The following USP14 variants were observed in gnomAD, a reference collection of about 807,000 sequenced individuals.
USP14 encodes the protein ubiquitin specific peptidase 14.
Under a neutral mutation model 76.5 loss-of-function variants are expected in USP14, and 38 were observed. The observed-to-expected ratio is 0.50, with a 90% CI of 0.38 to 0.65. The LOEUF (loss-of-function observed/expected upper bound fraction) is 0.65. USP14 is among the 30% of genes least tolerant of loss of function. The probability of loss-of-function intolerance (pLI) is 0.00; values close to 1 mark genes in which losing one functional copy is unlikely to be tolerated. For missense variants in USP14, 467 were observed against 586.5 expected, an observed-to-expected ratio of 0.80 and a Z score of 2.10; for synonymous variants, 192 against 191.7, an observed-to-expected ratio of 1.00 and a Z score of -0.01.
chr18:183,886 T>C (rs985352677), intron 5 of USP14, among the ~76,000 whole-genome samples: 2 of 152,188 alleles, frequency 1.3e-5, no homozygotes, highest in African/African-American at 4.8e-5. Flanking sequence ...CAGTTGCAAA[T>C]TATCTGAATA....
intron 10 of USP14, 23 bp downstream of exon 10, chr18:199,339 C>T (rs886286867): frequency 6.5e-7 from 1 of 1,534,752 alleles, no homozygotes; most frequent in Non-Finnish European, 9.0e-7. Flanking sequence ...TCAGTCCATC[C>T]TTGTTGTTTG....
At chr18:207,466 T>A (rs985434562) in intron 13 of USP14, among the ~76,000 whole-genome samples, 1 of 144,282 alleles carries the variant, frequency 6.9e-6, no homozygotes, top group Non-Finnish European at 1.6e-5. Context: ...ATTGCTTGAG[T>A]CCAGAAGTTG....
At chr18:165,322 A>G (rs1291942475) in intron 2 of USP14, among the ~76,000 whole-genome samples, 2 of 152,212 alleles carry the variant, frequency 1.3e-5, no homozygotes, top group Admixed American at 6.5e-5. Flanking sequence ...CTAAAGATCT[A>G]TAGTTAACTT....
intron 5 of USP14, among the ~76,000 whole-genome samples, chr18:186,770 G>A (rs1293108624): frequency 6.6e-6 from 1 of 151,962 alleles, no homozygotes; most frequent in Non-Finnish European, 1.5e-5. Flanking sequence ...AAGAGAAAGG[G>A]ATGAAGATTT....
chr18:211,344 A>G lies in USP14; in HGVS notation c.*60A>G, dbSNP rs1323131716. 2.6e-6 allele frequency: 4 copies of G among 1,541,926 alleles called. No individual in the cohort carries two copies. Among genetic ancestry groups the G allele is most frequent in the Non-Finnish European group, 3.5e-6 (4 of 1,135,320 alleles). On this transcript the variant is annotated 3_prime_UTR_variant, in exon 16 of 16. Transcript: ENST00000261601. ...TAAATGTTATTTGTTGATCATTTCT[A>G]TAATCCAGAGCTTTAGAGGAAGACA...
intron 10 of USP14, among the ~76,000 whole-genome samples, chr18:201,460 G>T (rs909101739): frequency 6.6e-6 from 1 of 152,202 alleles, no homozygotes; most frequent in Non-Finnish European, 1.5e-5. Flanking sequence ...GGATAAGGTT[G>T]GCAAGGGGAA....
In USP14 at chr18:163,248, AG is replaced by A; in HGVS notation, c.17-57del. The A allele has an allele frequency of 5.4e-6, 8 of 1,485,364 alleles. No individual in the cohort carries two copies. The South Asian group carries it at 1.0e-4, about 19-fold the overall frequency. The allele number at this position is 1,485,364 out of a possible 1,614,324, so 92.0% of individuals were successfully genotyped here. A position where few individuals can be genotyped will look rare whatever the true frequency, so the allele number is the denominator to read the frequency against. ...TAACTGCCTAATTGGTGATCTTCTA[AG>A]GGTCTGTAAATCTTGTCTTGTTATT... On this transcript the variant is annotated intron_variant, in intron 1 of 15. Coordinates refer to ENST00000261601, the MANE Select transcript of USP14 (RefSeq NM_005151.4).
At chr18:163,613 A>G (rs1158483341) in intron 2 of USP14, among the ~76,000 whole-genome samples, 160 bp downstream of exon 2, 1 of 152,166 alleles carries the variant, frequency 6.6e-6, no homozygotes, top group Non-Finnish European at 1.5e-5. Flanking sequence ...TGCCTGTTAG[A>G]GTAAGGGAGA....
Position 178,922 on chromosome 18 carries a change from T to A in USP14, c.196-11T>A, listed in dbSNP as rs1023269735. On this transcript the variant is annotated splice_polypyrimidine_tract_variant and intron_variant, in intron 3 of 15. Transcript: ENST00000261601. Reference sequence around the variant, plus strand: ...TAAGGATTTTCATGAAATTACTTTTTTTAAAAACAGGGAATGACTCTACTA... The same window carrying A: ...TAAGGATTTTCATGAAATTACTTTTATTAAAAACAGGGAATGACTCTACTA... The A allele has an allele frequency of 6.3e-7, 1 of 1,589,980 alleles. No homozygotes were observed.
intron 12 of USP14, 70 bp from the exon 13 acceptor site, chr18:204,494 G>C (rs1910471846): frequency 2.4e-6 from 3 of 1,258,208 alleles, no homozygotes; most frequent in Admixed American, 3.3e-5. Context: ...CATTACTTCA[G>C]ATATGTGATA....
intron 6 of USP14, among the ~76,000 whole-genome samples, chr18:196,004 A>G (rs1341963228): frequency 1.3e-5 from 2 of 151,990 alleles, no homozygotes; most frequent in Admixed American, 6.6e-5. Flanking sequence ...GAGTCCAACA[A>G]TTGTCAAAGA....
rs373119413 is a variant in USP14, at chr18:204,734, C to T, written c.1164+42C>T. 43 of 1,596,094 alleles carry T rather than the reference C, an allele frequency of 2.7e-5. 1 individual carries two copies. In the African/African-American group the frequency reaches 5.6e-4, roughly 21 times the overall value. ...GACTTTATACTCTTAATATCTTAAT[C>T]TCCCATCAGTGCTCAGCAATTACTC... is the stretch of plus-strand genomic sequence containing the variant. On this transcript the variant is annotated intron_variant, in intron 13 of 15. Transcript: ENST00000261601.
At chr18:179,086 CATT>C in intron 4 of USP14, 49 bp downstream of exon 4, 1 of 1,345,438 alleles carries the variant, frequency 7.4e-7, no homozygotes, top group Non-Finnish European at 1.0e-6. Flanking sequence ...TTTGAAGGAC[CATT>C]ATTAAGGTGT....
intron 10 of USP14, among the ~76,000 whole-genome samples, chr18:200,710 T>C (rs1045555751): frequency 2.0e-5 from 3 of 152,366 alleles, no homozygotes; most frequent in Non-Finnish European, 4.4e-5. Context: ...CCATTTGAAC[T>C]GATACCTTTT....
intron 6 of USP14, among the ~76,000 whole-genome samples, chr18:194,974 C>T (rs1186775824): frequency 6.6e-6 from 1 of 151,972 alleles, no homozygotes; most frequent in African/African-American, 2.4e-5. Context: ...TCACACAGTA[C>T]CCTAAAATAC....
chr18:166,725 TATTAG>T, intron 2 of USP14, 57 bp from the exon 3 acceptor site: 4 of 1,460,528 alleles, frequency 2.7e-6, no homozygotes, highest in Non-Finnish European at 3.8e-6. Flanking sequence ...ATAAATTGAT[TATTAG>T]ATTGTGTTCA....
intron 5 of USP14, among the ~76,000 whole-genome samples, chr18:186,339 C>G (rs994918995): frequency 3.9e-5 from 6 of 152,080 alleles, no homozygotes; most frequent in African/African-American, 1.4e-4. Flanking sequence ...ACCTGTAGTT[C>G]CAGCTACTCA....
intron 1 of USP14, among the ~76,000 whole-genome samples, chr18:160,008 A>T (rs1235805268): frequency 1.3e-5 from 2 of 152,190 alleles, no homozygotes; most frequent in Non-Finnish European, 2.9e-5. Flanking sequence ...TTTAGTAGAA[A>T]ATTAAGTATC....
intron 5 of USP14, among the ~76,000 whole-genome samples, chr18:192,437 G>A (rs1910116036): frequency 6.6e-6 from 1 of 152,078 alleles, no homozygotes; most frequent in Admixed American, 6.6e-5. Flanking sequence ...GATGGTGGAC[G>A]CCTGTAATCC....
Sources: gnomAD v4.1 joint callset for allele counts (sites outside exome capture counted in the v4.1 genomes callset) on GRCh38, gnomAD v4.1.1 for gene constraint, MANE v1.5 for transcripts, NCBI Gene and HGNC (gene_info 2026-07-23, HGNC 2026-07-21) for gene names.